Variants in WDR49 observed in about 807,000 individuals in gnomAD.
The protein encoded by WDR49 is cilia- and flagella-associated protein 337.
Under a neutral mutation model 119.5 loss-of-function variants are expected in WDR49, and 107 were observed. The ratio of observed to expected loss-of-function variants is 0.90; its 90% CI spans 0.77 to 1.05. WDR49 has a LOEUF of 1.05. Among genes scored for constraint, WDR49 ranks in the 50% least tolerant of loss-of-function variants. The pLI is 0.00. For missense variants in WDR49, 1,240 were observed against 1,220.5 expected, an observed-to-expected ratio of 1.02 and a Z score of -0.24; for synonymous variants, 425 against 418.8, an observed-to-expected ratio of 1.01 and a Z score of -0.18.
At chr3:167,490,762 C>G (rs922281716) in intron 18 of WDR49, among the ~76,000 whole-genome samples, 1 of 151,936 alleles carries the variant, frequency 6.6e-6, no homozygotes, top group East Asian at 1.9e-4. Flanking sequence ...ACTATTTTTG[C>G]CCCTCTTTTC....
chr3:167,600,436 CT>C (rs1369034619), intron 7 of WDR49, among the ~76,000 whole-genome samples: 2 of 152,176 alleles, frequency 1.3e-5, no homozygotes, highest in Non-Finnish European at 2.9e-5. Context: ...TTTGGTGATC[CT>C]TTCAGTTAAA....
chr3:167,563,353 C>CAAAAAAAAAA (rs61247447), intron 8 of WDR49, among the ~76,000 whole-genome samples: 16 of 55,884 alleles, frequency 2.9e-4, no homozygotes, highest in Non-Finnish European at 3.8e-4. Flanking sequence ...GATTCTGAAT[C>CAAAAAAAAAA]AAAAAAAAAA....
intron 10 of WDR49, among the ~76,000 whole-genome samples, chr3:167,552,281 G>C (rs534003618): frequency 6.6e-6 from 1 of 152,218 alleles, no homozygotes; most frequent in African/African-American, 2.4e-5. Flanking sequence ...ATTGGAGAAA[G>C]AAATCCCTGT....
intron 14 of WDR49, 69 bp from the exon 15 acceptor site, chr3:167,528,086 T>C (rs1016988493): frequency 1.5e-6 from 2 of 1,365,302 alleles, no homozygotes; most frequent in South Asian, 1.4e-5. Flanking sequence ...CATAACACTT[T>C]TAAAAAAAGG....
At chr3:167,486,598 C>T (rs1750928639) in intron 18 of WDR49, among the ~76,000 whole-genome samples, 1 of 152,116 alleles carries the variant, frequency 6.6e-6, no homozygotes. Flanking sequence ...GAGCAGGGGT[C>T]CCTATTCTTA....
At chr3:167,616,126 C>G (rs978127340) in intron 5 of WDR49, among the ~76,000 whole-genome samples, 2 of 152,152 alleles carry the variant, frequency 1.3e-5, no homozygotes, top group Non-Finnish European at 2.9e-5. Flanking sequence ...TAGTAATTAC[C>G]TAGCAAATGT....
At chr3:167,575,096 T>C (rs1244475039) in intron 8 of WDR49, 1 of 985,176 alleles carries the variant, frequency 1.0e-6, no homozygotes, top group Non-Finnish European at 1.2e-6. Flanking sequence ...ATGGATTGAG[T>C]TACTGTTTAA....
intron 2 of WDR49, among the ~76,000 whole-genome samples, chr3:167,627,525 C>A (rs1173973708): frequency 6.6e-6 from 1 of 151,948 alleles, no homozygotes; most frequent in Admixed American, 6.6e-5. Context: ...CACAAAAGTC[C>A]TTGTATCGGG....
chr3:167,563,104 C>T (rs1713366537), intron 8 of WDR49, among the ~76,000 whole-genome samples: 2 of 152,056 alleles, frequency 1.3e-5, no homozygotes, highest in South Asian at 2.1e-4. Context: ...CGGTGGCTCA[C>T]GCCTGTAATT....
At chr3:167,508,524 T>G (rs961732580) in intron 16 of WDR49, among the ~76,000 whole-genome samples, 1 of 152,168 alleles carries the variant, frequency 6.6e-6, no homozygotes, top group South Asian at 2.1e-4. Flanking sequence ...CAGGGCTCAG[T>G]TGGTATTGGC....
intron 15 of WDR49, 87 bp downstream of exon 15, chr3:167,527,733 C>T (rs188195215): frequency 1.5e-6 from 2 of 1,314,938 alleles, no homozygotes; most frequent in Admixed American, 2.4e-5. Context: ...GAACATTAAA[C>T]AGCTGATGAG....
intron 10 of WDR49, among the ~76,000 whole-genome samples, chr3:167,548,523 C>T (rs994022674): frequency 6.6e-6 from 1 of 151,964 alleles, no homozygotes; most frequent in Non-Finnish European, 1.5e-5. Context: ...ACCATCTCAA[C>T]AGTTTGTCGC....
chr3:167,605,117 C>G (rs935191883), intron 5 of WDR49, among the ~76,000 whole-genome samples: 2 of 151,470 alleles, frequency 1.3e-5, no homozygotes, highest in Admixed American at 6.6e-5. Context: ...CACACACACA[C>G]ACACACACAC....
chr3:167,619,131 AAAT>A (rs745316303), intron 5 of WDR49, among the ~76,000 whole-genome samples: 1 of 152,210 alleles, frequency 6.6e-6, no homozygotes, highest in East Asian at 1.9e-4. Context: ...TTATGGACTC[AAAT>A]AATACATTAA....
chr3:167,563,658 T>C lies in WDR49; in HGVS notation c.1510-3430A>G, dbSNP rs1053785680. Among the ~76,000 whole-genome samples, 14 of 152,328 alleles carry C rather than the reference T, an allele frequency of 9.2e-5. 1 individual carries two copies. Among genetic ancestry groups the C allele is most frequent in the Admixed American group, 5.2e-4 (8 of 15,300 alleles). On this transcript the variant is annotated intron_variant, in intron 8 of 18. Coordinates refer to ENST00000682715, the MANE Select transcript of WDR49 (RefSeq NM_001366157.1). ...ATAACTACATAATTATGGGGTACCGTGTGATATTTCAATACACATACACGA... is the reference window on the plus strand; with the variant it reads ...ATAACTACATAATTATGGGGTACCGCGTGATATTTCAATACACATACACGA...
chr3:167,628,457 T>C (rs1717227935), intron 2 of WDR49, among the ~76,000 whole-genome samples: 1 of 152,106 alleles, frequency 6.6e-6, no homozygotes, highest in African/African-American at 2.4e-5. Context: ...GCCTTACTGC[T>C]GCTGTGAAGA....
chr3:167,515,495 A>G (rs1201421848), intron 16 of WDR49, among the ~76,000 whole-genome samples: 2 of 152,216 alleles, frequency 1.3e-5, no homozygotes, highest in Non-Finnish European at 2.9e-5. Context: ...TCTCAAAATA[A>G]TAAGAGTCAC....
At chr3:167,585,774 A>G (rs919378424) in intron 7 of WDR49, among the ~76,000 whole-genome samples, 1 of 152,052 alleles carries the variant, frequency 6.6e-6, no homozygotes, top group East Asian at 1.9e-4. Context: ...ATTATGTATA[A>G]CATAGTAAGT....
rs766400803 is a variant in WDR49, at chr3:167,586,923, G to A, written c.1276-10772C>T. 5.1e-4 allele frequency among the ~76,000 whole-genome samples: 78 copies of A among 151,856 alleles called. 1 individual carries two copies. The highest frequency in any genetic ancestry group is 5.9e-4 in the Admixed American group (9 of 15,240). On this transcript the variant is annotated intron_variant, in intron 7 of 18. Transcript: ENST00000682715. ...TTGCTTTTACGTTATAAAACCTCTCGGGGAAGTCTTAATGACAAAATATCT... is the reference window on the plus strand; with the variant it reads ...TTGCTTTTACGTTATAAAACCTCTCAGGGAAGTCTTAATGACAAAATATCT...
Sources: allele counts gnomAD v4.1 joint callset (sites outside exome capture counted in the v4.1 genomes callset), GRCh38; gene constraint gnomAD v4.1.1; transcripts MANE v1.5; gene names NCBI Gene and HGNC (gene_info 2026-07-23, HGNC 2026-07-21).